The following GPC5 variants were observed in gnomAD, a reference collection of about 807,000 sequenced individuals.
GPC5 encodes the protein glypican-5.
GPC5 carries 47 observed loss-of-function variants against 53.9 expected under a neutral mutation model. The observed-to-expected ratio is 0.87, with a 90% CI of 0.69 to 1.11. The LOEUF (loss-of-function observed/expected upper bound fraction) is 1.11. Among genes scored for constraint, GPC5 ranks in the 50% most tolerant of loss-of-function variants. GPC5 has a pLI of 0.00. For synonymous variants in GPC5, 286 were observed against 263.3 expected (o/e 1.09, Z -0.84); for missense variants, 748 against 713.1 (o/e 1.05, Z -0.56).
chr13:92,521,148 C>T (rs1250130370), intron 7 of GPC5, among the ~76,000 whole-genome samples: 3 of 152,140 alleles, frequency 2.0e-5, no homozygotes, highest in Non-Finnish European at 2.9e-5. Flanking sequence ...AGTGGAAGAA[C>T]ATTCCATGCT....
At chr13:91,462,177 C>T (rs1284584309) in intron 2 of GPC5, among the ~76,000 whole-genome samples, 4 of 152,076 alleles carry the variant, frequency 2.6e-5, no homozygotes, top group African/African-American at 9.7e-5. Flanking sequence ...GCTTAACAAA[C>T]GCCGTGGTCT....
intron 6 of GPC5, among the ~76,000 whole-genome samples, chr13:92,012,969 G>A (rs1020630058): frequency 1.3e-5 from 2 of 152,144 alleles, no homozygotes; most frequent in African/African-American, 2.4e-5. Context: ...GCTCTGTGTG[G>A]GGCCCACACC....
intron 7 of GPC5, among the ~76,000 whole-genome samples, chr13:92,177,488 A>G (rs1409706900): frequency 6.6e-6 from 1 of 152,198 alleles, no homozygotes; most frequent in East Asian, 1.9e-4. Flanking sequence ...TTATAATTAT[A>G]CAAATTACTT....
intron 6 of GPC5, among the ~76,000 whole-genome samples, chr13:92,122,416 G>A (rs1295650278): frequency 6.6e-6 from 1 of 151,870 alleles, no homozygotes; most frequent in African/African-American, 2.4e-5. Context: ...AGCGAGGTGT[G>A]AACACGTAGC....
At chr13:92,335,072 T>TGG (rs968251284) in intron 7 of GPC5, among the ~76,000 whole-genome samples, 1 of 151,956 alleles carries the variant, frequency 6.6e-6, no homozygotes, top group Non-Finnish European at 1.5e-5. Context: ...CTCTGTGGGT[T>TGG]GGGGGGGACT....
At chr13:92,853,191 G>A (rs926641555) in intron 7 of GPC5, among the ~76,000 whole-genome samples, 6 of 152,110 alleles carry the variant, frequency 3.9e-5, no homozygotes, top group African/African-American at 1.2e-4. Context: ...CAAAAATGTA[G>A]TCCTCCTTAT....
Position 91,435,141 on chromosome 13 carries a change from A to T in GPC5, c.164-13620A>T, listed in dbSNP as rs559400998. 1.5e-3 allele frequency among the ~76,000 whole-genome samples: 231 copies of T among 152,322 alleles called. 1 individual carries two copies. Among genetic ancestry groups the T allele is most frequent in the Middle Eastern group, 0.014 (4 of 294 alleles). ...AATCATGTCATCTGCAAACAGGGACAATTTGACTTTCTGTTTTCCTAATTG... is the reference window on the plus strand; with the variant it reads ...AATCATGTCATCTGCAAACAGGGACTATTTGACTTTCTGTTTTCCTAATTG... On this transcript the variant is annotated intron_variant, in intron 1 of 7. Transcript: ENST00000377067.
At chr13:91,798,407 A>G (rs537382717) in intron 5 of GPC5, among the ~76,000 whole-genome samples, 3 of 152,038 alleles carry the variant, frequency 2.0e-5, no homozygotes, top group African/African-American at 7.2e-5. Context: ...TGTTCTCATC[A>G]TTCAGCTCCT....
intron 7 of GPC5, among the ~76,000 whole-genome samples, chr13:92,606,400 C>T (rs7981924): frequency 6.6e-6 from 1 of 152,222 alleles, no homozygotes; most frequent in African/African-American, 2.4e-5. Flanking sequence ...ATCCATGTCC[C>T]TACAAAGGAC....
At chr13:92,434,146 G>A (rs897353962) in intron 7 of GPC5, among the ~76,000 whole-genome samples, 2 of 152,138 alleles carry the variant, frequency 1.3e-5, no homozygotes, top group Non-Finnish European at 2.9e-5. Flanking sequence ...CATCATTGCT[G>A]TACTAGTAAA....
chr13:92,754,473 A>T (rs1874755768), intron 7 of GPC5, among the ~76,000 whole-genome samples: 1 of 152,052 alleles, frequency 6.6e-6, no homozygotes, highest in Non-Finnish European at 1.5e-5. Context: ...AAATTCACAC[A>T]TAACAATATT....
chr13:92,578,886 A>G lies in GPC5; in HGVS notation c.1562-287396A>G, dbSNP rs918936929. 1.7e-4 allele frequency among the ~76,000 whole-genome samples: 26 copies of G among 152,178 alleles called. 1 individual carries two copies. The highest frequency in any genetic ancestry group is 6.3e-3 in the Middle Eastern group (2 of 316). On this transcript the variant is annotated intron_variant, in intron 7 of 7. Transcript: ENST00000377067. ...GATTCAAGTAATAGGCTTGATAACC[A>G]AATGGACGAATGATATTATCCAGTC...
rs575958277 is a variant in GPC5, at chr13:92,436,284, G to A, written c.1561+291295G>A. ...TTAGATTTTACACAATCTGGTATAT[G>A]AATGTATGTTTTATGTGTGTAAACA... On this transcript the variant is annotated intron_variant, in intron 7 of 7. Transcript: ENST00000377067. Among the ~76,000 whole-genome samples the A allele has an allele frequency of 1.1e-4, 16 of 148,974 alleles. No homozygotes were observed. The South Asian group carries it at 3.3e-3, about 31-fold the overall frequency.
At chr13:92,663,665 CTA>C (rs1228385049) in intron 7 of GPC5, among the ~76,000 whole-genome samples, 2 of 135,866 alleles carry the variant, frequency 1.5e-5, no homozygotes, top group Admixed American at 7.7e-5. Context: ...TATATATATA[CTA>C]TATATATACA....
At chr13:91,844,398 C>T (rs2038824887) in intron 5 of GPC5, among the ~76,000 whole-genome samples, 1 of 152,108 alleles carries the variant, frequency 6.6e-6, no homozygotes, top group African/African-American at 2.4e-5. Context: ...ACTAGGGAAT[C>T]AAGACAAGGA....
intron 3 of GPC5, among the ~76,000 whole-genome samples, chr13:91,718,300 T>C (rs1378453904): frequency 6.6e-6 from 1 of 152,074 alleles, no homozygotes; most frequent in Non-Finnish European, 1.5e-5. Context: ...TTAGTAGAGA[T>C]GGGGTTTCAC....
At chr13:91,876,220 C>T (rs1048335333) in intron 5 of GPC5, among the ~76,000 whole-genome samples, 26 of 152,132 alleles carry the variant, frequency 1.7e-4, no homozygotes, top group African/African-American at 6.3e-4. Flanking sequence ...CAGACTAATA[C>T]AGTAAATTGG....
chr13:91,540,074 C>T (rs1426282226), intron 2 of GPC5, among the ~76,000 whole-genome samples: 1 of 152,150 alleles, frequency 6.6e-6, no homozygotes, highest in Non-Finnish European at 1.5e-5. Context: ...GGCTGTATAA[C>T]AGAAACCAAG....
intron 7 of GPC5, among the ~76,000 whole-genome samples, chr13:92,454,221 T>G (rs1000362154): frequency 1.3e-5 from 2 of 152,218 alleles, no homozygotes; most frequent in Non-Finnish European, 2.9e-5. Flanking sequence ...TTTGAATCCG[T>G]GAGGACATTT....
Sources: allele counts gnomAD v4.1 joint callset (sites outside exome capture counted in the v4.1 genomes callset), GRCh38; gene constraint gnomAD v4.1.1; transcripts MANE v1.5; gene names NCBI Gene and HGNC (gene_info 2026-07-23, HGNC 2026-07-21).